Variants in ZEB1 observed in about 807,000 individuals in gnomAD.
The protein encoded by ZEB1 is zinc finger E-box binding homeobox 1.
Under a neutral mutation model 84.9 loss-of-function variants are expected in ZEB1, and 21 were observed. That is an observed-to-expected ratio of 0.25 (90% CI 0.18 to 0.36). The LOEUF is 0.36. Ranked by LOEUF, ZEB1 falls within the 10% of genes least tolerant of loss-of-function variation. The probability of loss-of-function intolerance (pLI) is 1.00; values close to 1 mark genes in which losing one functional copy is unlikely to be tolerated. For synonymous variants in ZEB1, 420 were observed against 471.1 expected, an observed-to-expected ratio of 0.89 and a Z score of 1.41; for missense variants, 1,104 against 1,330.2, an observed-to-expected ratio of 0.83 and a Z score of 2.65.
intron 2 of ZEB1, among the ~76,000 whole-genome samples, chr10:31,486,790 T>C (rs1410489442): frequency 6.6e-6 from 1 of 151,520 alleles, no homozygotes; most frequent in Non-Finnish European, 1.5e-5. Flanking sequence ...TGAGATTTAG[T>C]TTATCACTTT....
intron 3 of ZEB1, among the ~76,000 whole-genome samples, chr10:31,498,418 A>G (rs934211855): frequency 1.3e-5 from 2 of 152,054 alleles, no homozygotes; most frequent in Admixed American, 6.6e-5. Flanking sequence ...TATTGAGGAA[A>G]AATTTTAATT....
At chr10:31,514,041 TAATC>T (rs1373511418) in intron 5 of ZEB1, among the ~76,000 whole-genome samples, 13 of 152,070 alleles carry the variant, frequency 8.5e-5, no homozygotes, top group Admixed American at 8.5e-4. Context: ...GCTATTATAA[TAATC>T]CACATTTGGC....
At chr10:31,363,752 G>A (rs756167890) in intron 1 of ZEB1, 3 of 1,226,388 alleles carry the variant, frequency 2.4e-6, no homozygotes, top group South Asian at 1.3e-5. Context: ...TTCCTTGAGG[G>A]GGGGCTCCAG....
In ZEB1 at chr10:31,450,292, C is replaced by G. The variant is rs1439782357; in HGVS notation, c.59-10745C>G. On this transcript the variant is annotated intron_variant, in intron 1 of 8. Transcript: ENST00000424869. ...TAGGTCCTCCATGTTTTATTTTAAG[C>G]TTTTTCCTTCATGTGTTTCATTTGT... is the stretch of plus-strand genomic sequence containing the variant. 2.6e-5 allele frequency among the ~76,000 whole-genome samples: 4 copies of G among 151,954 alleles called. No homozygotes were observed. The East Asian group carries it at 7.7e-4, about 29-fold the overall frequency.
intron 1 of ZEB1, chr10:31,361,349 T>C: frequency 1.3e-6 from 1 of 785,546 alleles, no homozygotes; most frequent in South Asian, 1.6e-5. Flanking sequence ...CAAGCCACCA[T>C]GCCCGCCTAA....
In ZEB1 at chr10:31,418,193, C is replaced by A. The variant is rs200601811; in HGVS notation, c.59-42844C>A. Among the ~76,000 whole-genome samples the A allele has an allele frequency of 5.3e-5, 8 of 151,792 alleles. No individual in the cohort carries two copies. In the East Asian group the frequency reaches 1.4e-3, roughly 26 times the overall value. On this transcript the variant is annotated intron_variant, in intron 1 of 8. Coordinates refer to ENST00000424869, the MANE Select transcript of ZEB1 (RefSeq NM_001174096.2). ...CTAAAGAGTGCCACCCTAAACCTTC[C>A]CATGTAGGAATGCCAGCGCCACCTC...
chr10:31,327,105 T>TTTTTTTTTTTTTTTTTTTTTG, intron 1 of ZEB1, among the ~76,000 whole-genome samples: 1 of 140,712 alleles, frequency 7.1e-6, no homozygotes. Flanking sequence ...TTTTCTTTTT[T>TTTTTTTTTTTTTTTTTTTTTG]TTTTTTTTTT....
chr10:31,387,295 G>T (rs569590424), intron 1 of ZEB1: 4 of 985,628 alleles, frequency 4.1e-6, no homozygotes, highest in Non-Finnish European at 3.6e-6. Context: ...GTGCACACTC[G>T]TGGGCCCAGG....
intron 1 of ZEB1, among the ~76,000 whole-genome samples, chr10:31,460,022 T>C (rs1474683628): frequency 6.6e-6 from 1 of 151,994 alleles, no homozygotes; most frequent in African/African-American, 2.4e-5. Flanking sequence ...CTTCTTTTTC[T>C]CCCTTCTTCC....
At chr10:31,499,744 G>T (rs182037120) in intron 3 of ZEB1, among the ~76,000 whole-genome samples, 1 of 151,590 alleles carries the variant, frequency 6.6e-6, no homozygotes, top group African/African-American at 2.4e-5. Context: ...CAACCTGGGC[G>T]ACAAGAGCGA....
rs12263052 is a variant in ZEB1 at position 31,501,909 on chromosome 10, T to C, written c.323-439T>C. On this transcript the variant is annotated intron_variant, in intron 3 of 8. Coordinates refer to ENST00000424869, the MANE Select transcript of ZEB1 (RefSeq NM_001174096.2). ...AGTTGACCACAGGTAACTGAAACCA[T>C]GGAAAATGAAGCCACAGATAAGGGG... 4.7e-3 allele frequency among the ~76,000 whole-genome samples: 719 copies of C among 152,308 alleles called. 6 individuals carry two copies. The highest frequency in any genetic ancestry group is 0.016 in the African/African-American group (674 of 41,568).
rs1301931768 is a variant in ZEB1 at position 31,361,532 on chromosome 10, C to G, written c.58+42240C>G. Among the ~76,000 whole-genome samples the G allele has an allele frequency of 3.9e-5, 6 of 152,352 alleles. No homozygotes were observed. In the South Asian group the frequency reaches 1.2e-3, roughly 32 times the overall value. On this transcript the variant is annotated intron_variant, in intron 1 of 8. Transcript: ENST00000424869. The stretch of plus-strand genomic sequence containing the variant: ...CTTGGAAGGTTGCACAGCAGCCAGG[C>G]AGAGACCCTCCTCACTTCCCAGATG...
chr10:31,444,815 A>T lies in ZEB1; in HGVS notation c.59-16222A>T, dbSNP rs1450113204. On this transcript the variant is annotated intron_variant, in intron 1 of 8. Coordinates refer to ENST00000424869, the MANE Select transcript of ZEB1 (RefSeq NM_001174096.2). Reference sequence around the variant, plus strand: ...AGTACCATGCTGTTTTGGTTACTGTAGCCTTGTAGTATAGTTTGAAGTCAG... The same window carrying T: ...AGTACCATGCTGTTTTGGTTACTGTTGCCTTGTAGTATAGTTTGAAGTCAG... Among the ~76,000 whole-genome samples the T allele has an allele frequency of 1.7e-4, 25 of 151,108 alleles. No individual in the cohort carries two copies. The South Asian group carries it at 2.3e-3, about 14-fold the overall frequency.
intron 1 of ZEB1, among the ~76,000 whole-genome samples, chr10:31,415,758 G>A (rs1011239338): frequency 2.6e-5 from 4 of 151,952 alleles, no homozygotes; most frequent in African/African-American, 9.7e-5. Context: ...GCCTTCTAAA[G>A]GGCAATCTAG....
In ZEB1 at chr10:31,364,765, C is replaced by T. The variant is rs369156923; in HGVS notation, c.58+45473C>T. ...AGCCAGGCTTTGAACCCAGGCTGTG[C>T]GATTCCACAGCTGGCGCTCTGGCCT... On this transcript the variant is annotated intron_variant, in intron 1 of 8. Coordinates refer to ENST00000424869, the MANE Select transcript of ZEB1 (RefSeq NM_001174096.2). Among the ~76,000 whole-genome samples the T allele has an allele frequency of 1.8e-3, 279 of 152,312 alleles. 3 individuals carry two copies. The highest frequency in any genetic ancestry group is 0.014 in the East Asian group (74 of 5,180).
intron 4 of ZEB1, among the ~76,000 whole-genome samples, chr10:31,503,200 T>C (rs2068416618): frequency 6.6e-6 from 1 of 152,140 alleles, no homozygotes; most frequent in African/African-American, 2.4e-5. Flanking sequence ...ATCCATTATG[T>C]AGTTCTAATA....
At chr10:31,338,403 G>T (rs185399695) in intron 1 of ZEB1, among the ~76,000 whole-genome samples, 70 of 152,284 alleles carry the variant, frequency 4.6e-4, no homozygotes, top group Admixed American at 1.9e-3. Context: ...GTTGGGTAAG[G>T]TCACTTAGCT....
intron 1 of ZEB1, among the ~76,000 whole-genome samples, chr10:31,373,421 T>C (rs769706850): frequency 1.1e-4 from 17 of 151,988 alleles, no homozygotes; most frequent in Admixed American, 5.2e-4. Flanking sequence ...ATATAGTTCA[T>C]GTCTGGTTTA....
intron 2 of ZEB1, among the ~76,000 whole-genome samples, chr10:31,477,734 G>T (rs575257214): frequency 6.6e-6 from 1 of 151,934 alleles, no homozygotes; most frequent in East Asian, 1.9e-4. Flanking sequence ...CTGACTTTCA[G>T]CAGATTCAAC....
Sources: allele counts gnomAD v4.1 joint callset (sites outside exome capture counted in the v4.1 genomes callset), GRCh38; gene constraint gnomAD v4.1.1; transcripts MANE v1.5; gene names NCBI Gene and HGNC (gene_info 2026-07-23, HGNC 2026-07-21).